Variants in NELL1 observed in about 807,000 individuals in gnomAD.
The protein encoded by NELL1 is protein kinase C-binding protein NELL1.
In NELL1, 76 loss-of-function variants were observed where a neutral mutation model predicts 107.4. That is an observed-to-expected ratio of 0.71 (90% CI 0.59 to 0.86). The LOEUF (loss-of-function observed/expected upper bound fraction) is 0.86. Ranked by LOEUF, NELL1 falls within the 40% of genes least tolerant of loss-of-function variation. The probability of loss-of-function intolerance (pLI) is 0.00; values close to 1 mark genes in which losing one functional copy is unlikely to be tolerated. For synonymous variants in NELL1, 353 were observed against 341.2 expected (o/e 1.03, Z -0.38); for missense variants, 1,024 against 1,005.5 (o/e 1.02, Z -0.25).
At chr11:21,542,923 A>G (rs1447324688) in intron 16 of NELL1, among the ~76,000 whole-genome samples, 3 of 152,084 alleles carry the variant, frequency 2.0e-5, no homozygotes, top group Non-Finnish European at 4.4e-5. Context: ...CAAAATGGGA[A>G]ACATGAGTAT....
At chr11:20,962,262 T>C (rs7122167) in intron 12 of NELL1, among the ~76,000 whole-genome samples, 1,531 of 152,254 alleles carry the variant, frequency 0.01, 21 homozygotes, top group African/African-American at 0.035. Context: ...CTTATGCTAT[T>C]TTCTATCAGA....
chr11:20,841,607 T>C (rs1178526365), intron 3 of NELL1, among the ~76,000 whole-genome samples: 1 of 152,124 alleles, frequency 6.6e-6, no homozygotes, highest in Non-Finnish European at 1.5e-5. Context: ...CTTTAAAAAT[T>C]ATTTAGTTCA....
chr11:21,508,140 A>G (rs2133941124), intron 15 of NELL1, among the ~76,000 whole-genome samples: 1 of 152,302 alleles, frequency 6.6e-6, no homozygotes, highest in East Asian at 1.9e-4. Context: ...TGGTAGCACT[A>G]ATAGGAGAAA....
At chr11:20,797,795 C>A (rs536436513) in intron 3 of NELL1, among the ~76,000 whole-genome samples, 25 of 152,158 alleles carry the variant, frequency 1.6e-4, no homozygotes, top group African/African-American at 5.8e-4. Flanking sequence ...GTGCCCTGGG[C>A]AGATAGAGTG....
rs146705740 is a variant in NELL1 at position 21,470,758 on chromosome 11, G to A, written c.1646-63616G>A. On this transcript the variant is annotated intron_variant, in intron 15 of 19. Coordinates refer to ENST00000357134, the MANE Select transcript of NELL1 (RefSeq NM_006157.5). The stretch of plus-strand genomic sequence containing the variant: ...GAACCTCAGGACATATTTGCTGCAA[G>A]TTCCTGATTCATAGGATGCACTGTG... 3.9e-3 allele frequency among the ~76,000 whole-genome samples: 597 copies of A among 152,194 alleles called. 3 individuals are homozygous for A. The highest frequency in any genetic ancestry group is 6.7e-3 in the Non-Finnish European group (455 of 67,980).
chr11:20,835,915 A>G (rs2134042980), intron 3 of NELL1, among the ~76,000 whole-genome samples: 1 of 152,276 alleles, frequency 6.6e-6, no homozygotes, highest in South Asian at 2.1e-4. Flanking sequence ...CATGGAAGAA[A>G]AAGTTGTTAA....
intron 15 of NELL1, among the ~76,000 whole-genome samples, chr11:21,386,043 C>G (rs1455992406): frequency 6.6e-6 from 1 of 151,786 alleles, no homozygotes; most frequent in East Asian, 2.0e-4. Flanking sequence ...CACTCCATAT[C>G]AACTTGGTTT....
intron 14 of NELL1, among the ~76,000 whole-genome samples, chr11:21,264,071 G>GTGTGTGTGTGTGTGTGTGTGT (rs1554989862): frequency 1.4e-5 from 2 of 139,532 alleles, no homozygotes; most frequent in Admixed American, 7.2e-5. Context: ...TCTACAATGG[G>GTGTGTGTGTGTGTGTGTGTGT]GTGTGTGTGT....
At chr11:20,782,696 C>T (rs1856875046) in intron 2 of NELL1, among the ~76,000 whole-genome samples, 1 of 152,194 alleles carries the variant, frequency 6.6e-6, no homozygotes, top group South Asian at 2.1e-4. Flanking sequence ...AGTTATCTTG[C>T]AGTCAGAGGA....
chr11:21,321,370 G>C (rs917166707), intron 14 of NELL1, among the ~76,000 whole-genome samples: 1 of 152,104 alleles, frequency 6.6e-6, no homozygotes, highest in Admixed American at 6.5e-5. Flanking sequence ...AGATCCCTCA[G>C]AGGTGATTGA....
At chr11:21,170,731 A>C (rs1856589446) in intron 13 of NELL1, among the ~76,000 whole-genome samples, 1 of 149,032 alleles carries the variant, frequency 6.7e-6, no homozygotes, top group African/African-American at 2.5e-5. Flanking sequence ...CTGTCACTCT[A>C]TATAAAGTAT....
intron 2 of NELL1, among the ~76,000 whole-genome samples, chr11:20,742,082 T>C (rs1267653308): frequency 6.6e-6 from 1 of 152,214 alleles, no homozygotes; most frequent in Non-Finnish European, 1.5e-5. Flanking sequence ...TATTACTAGC[T>C]GGGGCTTTTC....
intron 13 of NELL1, among the ~76,000 whole-genome samples, chr11:21,134,016 C>T (rs1047386767): frequency 6.6e-6 from 1 of 152,244 alleles, no homozygotes; most frequent in Non-Finnish European, 1.5e-5. Flanking sequence ...AGACAGGCCG[C>T]AGCTGCCATC....
chr11:20,872,519 A>G (rs967446586), intron 4 of NELL1, among the ~76,000 whole-genome samples: 25 of 152,194 alleles, frequency 1.6e-4, no homozygotes, highest in African/African-American at 5.5e-4. Flanking sequence ...GGGCTTATGA[A>G]TTTGTATTTT....
At chr11:21,512,733 A>T (rs1368839430) in intron 15 of NELL1, among the ~76,000 whole-genome samples, 2 of 152,204 alleles carry the variant, frequency 1.3e-5, no homozygotes, top group Non-Finnish European at 2.9e-5. Context: ...ATGAAGAATG[A>T]AAAGCCACAT....
chr11:21,129,086 T>C (rs1855555261), intron 13 of NELL1, among the ~76,000 whole-genome samples: 1 of 152,244 alleles, frequency 6.6e-6, no homozygotes, highest in Non-Finnish European at 1.5e-5. Flanking sequence ...CTCTTGACTC[T>C]ATTCTTTGGT....
chr11:20,804,152 A>G (rs1350166030), intron 3 of NELL1, among the ~76,000 whole-genome samples: 3 of 152,122 alleles, frequency 2.0e-5, no homozygotes, highest in Admixed American at 6.5e-5. Context: ...CCTTTTTGCT[A>G]CTGCTTTTGC....
intron 14 of NELL1, among the ~76,000 whole-genome samples, chr11:21,266,482 A>G (rs764920609): frequency 3.3e-5 from 5 of 152,096 alleles, no homozygotes; most frequent in Non-Finnish European, 7.4e-5. Context: ...AAGCTTATCA[A>G]TGACTCCATC....
intron 12 of NELL1, among the ~76,000 whole-genome samples, chr11:21,028,853 C>T (rs965975710): frequency 1.3e-5 from 2 of 152,074 alleles, no homozygotes. Flanking sequence ...ATTTAAAAAG[C>T]TCTCAAGTTA....
Sources: gnomAD v4.1 joint callset for allele counts (sites outside exome capture counted in the v4.1 genomes callset) on GRCh38, gnomAD v4.1.1 for gene constraint, MANE v1.5 for transcripts, NCBI Gene and HGNC (gene_info 2026-07-23, HGNC 2026-07-21) for gene names.